Variants in GRIK3 observed in about 807,000 individuals in gnomAD.
The protein encoded by GRIK3 is glutamate receptor ionotropic, kainate 3.
GRIK3 carries 29 observed loss-of-function variants against 102.5 expected under a neutral mutation model. That is an observed-to-expected ratio of 0.28 (90% CI 0.21 to 0.39). The LOEUF is 0.39. Ranked by LOEUF, GRIK3 falls within the 10% of genes least tolerant of loss-of-function variation. GRIK3 has a pLI of 1.00. For missense variants in GRIK3, 908 were observed against 1,252.4 expected (o/e 0.73, Z 4.15); for synonymous variants, 511 against 504.9 (o/e 1.01, Z -0.16).
chr1:36,925,597 T>G (rs546292658), intron 1 of GRIK3, among the ~76,000 whole-genome samples: 1 of 152,374 alleles, frequency 6.6e-6, no homozygotes, highest in African/African-American at 2.4e-5. Flanking sequence ...GGCCTGGCCT[T>G]GCAGTGTGGC....
At chr1:36,866,298 G>T (rs1028170716) in intron 5 of GRIK3, among the ~76,000 whole-genome samples, 4 of 152,214 alleles carry the variant, frequency 2.6e-5, no homozygotes, top group African/African-American at 9.7e-5. Flanking sequence ...GCATTGTGTG[G>T]AATCTGAGCC....
intron 1 of GRIK3, among the ~76,000 whole-genome samples, chr1:36,932,975 G>C (rs1418798301): frequency 6.6e-6 from 1 of 152,272 alleles, no homozygotes; most frequent in Admixed American, 6.5e-5. Flanking sequence ...AAAACATGCC[G>C]AATAACAGAT....
At chr1:37,020,147 A>G (rs1159957073) in intron 1 of GRIK3, among the ~76,000 whole-genome samples, 1 of 151,860 alleles carries the variant, frequency 6.6e-6, no homozygotes, top group Non-Finnish European at 1.5e-5. Context: ...AAAGTGCACC[A>G]TTTTTCTGAG....
Position 36,860,620 on chromosome 1 carries a change from G to C in GRIK3, c.787-603C>G, listed in dbSNP as rs572215959. Among the ~76,000 whole-genome samples, 4 of 152,330 alleles carry C rather than the reference G, an allele frequency of 2.6e-5. No individual in the cohort carries two copies. In the East Asian group the frequency reaches 7.7e-4, roughly 29 times the overall value. The stretch of plus-strand genomic sequence containing the variant: ...CAGGCAGGTCCTGCCAAGGGTCCAG[G>C]AGAACAGGGTCTCAACGCAGGTGAG... On this transcript the variant is annotated intron_variant, in intron 5 of 15. Transcript: ENST00000373091.
At chr1:36,989,460 A>T (rs1642341570) in intron 1 of GRIK3, among the ~76,000 whole-genome samples, 2 of 152,196 alleles carry the variant, frequency 1.3e-5, no homozygotes, top group Non-Finnish European at 2.9e-5. Context: ...GACAAGAGTT[A>T]GGAGGCGGCT....
At chr1:36,831,536 G>C (rs1288783912) in intron 10 of GRIK3, among the ~76,000 whole-genome samples, 1 of 152,140 alleles carries the variant, frequency 6.6e-6, no homozygotes, top group Admixed American at 6.5e-5. Context: ...CCGTATCCAT[G>C]GTGCTAATTA....
intron 10 of GRIK3, among the ~76,000 whole-genome samples, chr1:36,830,760 G>A (rs762803544): frequency 1.2e-4 from 17 of 139,592 alleles, no homozygotes; most frequent in Non-Finnish European, 1.8e-4. Flanking sequence ...GCAGTGAGCC[G>A]AGATCACATC....
intron 1 of GRIK3, among the ~76,000 whole-genome samples, chr1:36,928,270 G>C (rs914597519): frequency 5.9e-5 from 9 of 152,304 alleles, no homozygotes; most frequent in Middle Eastern, 3.4e-3. Context: ...CTGAGTGTGC[G>C]AGGTAGCTGT....
intron 1 of GRIK3, among the ~76,000 whole-genome samples, chr1:36,926,831 GAT>G (rs1406787441): frequency 2.6e-5 from 4 of 152,190 alleles, no homozygotes; most frequent in African/African-American, 4.8e-5. Flanking sequence ...CTCAAGAAAA[GAT>G]ATTATTAGCT....
intron 13 of GRIK3, among the ~76,000 whole-genome samples, chr1:36,812,291 C>G (rs1642571370): frequency 6.6e-6 from 1 of 152,096 alleles, no homozygotes; most frequent in African/African-American, 2.4e-5. Context: ...CCCAGGGAAC[C>G]TGGCATTCTC....
At chr1:36,825,134 C>T (rs1174510060) in intron 11 of GRIK3, among the ~76,000 whole-genome samples, 4 of 152,122 alleles carry the variant, frequency 2.6e-5, no homozygotes, top group African/African-American at 9.7e-5. Flanking sequence ...GTATGTGTGC[C>T]GTGTTTCTGC....
At chr1:36,922,255 G>A (rs746960672) in intron 1 of GRIK3, among the ~76,000 whole-genome samples, 11 of 152,214 alleles carry the variant, frequency 7.2e-5, no homozygotes, top group Non-Finnish European at 1.3e-4. Context: ...TGGGTGCCTC[G>A]TGGTTCCTGA....
chr1:36,797,471 C>G lies in GRIK3; in HGVS notation c.*4380G>C, dbSNP rs563538343. On this transcript the variant is annotated 3_prime_UTR_variant, in exon 16 of 16. Transcript: ENST00000373091. ...ACTGCCATGGGGACAGAGGGCACGG[C>G]CCTTCCATGGCAGCCAGCAGCCGGG... The G allele has an allele frequency of 2.0e-5, 3 of 152,136 alleles. No individual in the cohort carries two copies. Among genetic ancestry groups the G allele is most frequent in the Non-Finnish European group, 4.4e-5 (3 of 68,036 alleles). 9.4% of individuals were successfully genotyped at this position (152,136 alleles called of 1,614,324 possible). A position where few individuals can be genotyped will look rare whatever the true frequency, so the allele number is the denominator to read the frequency against.
intron 5 of GRIK3, among the ~76,000 whole-genome samples, chr1:36,863,356 T>C (rs1288368228): frequency 6.6e-6 from 1 of 152,202 alleles, no homozygotes; most frequent in East Asian, 1.9e-4. Context: ...AATCCAAGCC[T>C]GTCATTTCCA....
chr1:37,033,242 C>A (rs911819010), intron 1 of GRIK3, among the ~76,000 whole-genome samples: 1 of 152,220 alleles, frequency 6.6e-6, no homozygotes, highest in African/African-American at 2.4e-5. Flanking sequence ...CCCCGCCAGC[C>A]GCCGCCAGCT....
intron 4 of GRIK3, among the ~76,000 whole-genome samples, chr1:36,871,807 C>G (rs1312121786): frequency 1.3e-5 from 2 of 152,184 alleles, no homozygotes; most frequent in African/African-American, 4.8e-5. Flanking sequence ...GGGGCTGTTC[C>G]TGAGAATCTG....
intron 1 of GRIK3, among the ~76,000 whole-genome samples, chr1:36,937,106 T>C (rs1641668051): frequency 6.6e-6 from 1 of 152,062 alleles, no homozygotes; most frequent in African/African-American, 2.4e-5. Context: ...TTGTAGTGTG[T>C]GACACAGCCA....
At chr1:36,987,151 T>C (rs1470759084) in intron 1 of GRIK3, among the ~76,000 whole-genome samples, 2 of 152,050 alleles carry the variant, frequency 1.3e-5, no homozygotes, top group Non-Finnish European at 1.5e-5. Flanking sequence ...AGCCAGTGGG[T>C]TGGGGAGGCA....
chr1:36,803,775 T>C (rs941226211), intron 15 of GRIK3, among the ~76,000 whole-genome samples: 3 of 152,198 alleles, frequency 2.0e-5, no homozygotes, highest in African/African-American at 7.2e-5. Context: ...AATTTGATTG[T>C]TGTTCTTTTT....
Sources: gnomAD v4.1 joint callset for allele counts (sites outside exome capture counted in the v4.1 genomes callset) on GRCh38, gnomAD v4.1.1 for gene constraint, MANE v1.5 for transcripts, NCBI Gene and HGNC (gene_info 2026-07-23, HGNC 2026-07-21) for gene names.